The following GDPD4 variants were observed in gnomAD, a reference collection of about 807,000 sequenced individuals.
The protein encoded by GDPD4 is glycerophosphodiester phosphodiesterase domain containing 4, also known as glycerophosphodiester phosphodiesterase 6.
GDPD4 carries 60 observed loss-of-function variants against 67.8 expected under a neutral mutation model. The observed-to-expected ratio is 0.88, with a 90% CI of 0.72 to 1.10. The LOEUF is 1.10. GDPD4 is among the 50% of genes least tolerant of loss of function. The pLI is 0.00. For synonymous variants in GDPD4, 212 were observed against 210.9 expected (o/e 1.00, Z -0.04); for missense variants, 623 against 613.9 (o/e 1.01, Z -0.16).
At chr11:77,250,484 C>G (rs917364728) in intron 11 of GDPD4, among the ~76,000 whole-genome samples, 2 of 152,102 alleles carry the variant, frequency 1.3e-5, no homozygotes, top group Non-Finnish European at 2.9e-5. Context: ...GAAAGTTCCT[C>G]TCATTGATAT....
chr11:77,241,909 G>T (rs1457723246), intron 13 of GDPD4, among the ~76,000 whole-genome samples: 1 of 151,944 alleles, frequency 6.6e-6, no homozygotes, highest in African/African-American at 2.4e-5. Context: ...CTCCAGCCTG[G>T]TGACAGAGCG....
At chr11:77,234,223 C>A (rs1958508261) in intron 13 of GDPD4, among the ~76,000 whole-genome samples, 1 of 151,970 alleles carries the variant, frequency 6.6e-6, no homozygotes, top group African/African-American at 2.4e-5. Flanking sequence ...ATTAGTTATC[C>A]AATATGTTAG....
At chr11:77,270,922 G>T (rs1225889177) in intron 7 of GDPD4, 7 of 510,080 alleles carry the variant, frequency 1.4e-5, no homozygotes, top group Non-Finnish European at 2.0e-5. Context: ...AAGAAGGTCT[G>T]TTTGGCCACA....
intron 13 of GDPD4, among the ~76,000 whole-genome samples, chr11:77,233,485 G>C (rs1227992459): frequency 1.5e-5 from 2 of 131,856 alleles, no homozygotes; most frequent in East Asian, 2.1e-4. Context: ...AAAGGAAAAA[G>C]GAAAACCCTA....
chr11:77,254,642 A>G (rs1958970000), intron 11 of GDPD4, among the ~76,000 whole-genome samples: 1 of 152,108 alleles, frequency 6.6e-6, no homozygotes, highest in Non-Finnish European at 1.5e-5. Flanking sequence ...TATTTTTATC[A>G]TTTCTATAAT....
In GDPD4 at chr11:77,271,125, C is replaced by T. The variant is rs373625730; in HGVS notation, c.400+5G>A. The T allele has an allele frequency of 2.5e-6, 4 of 1,592,994 alleles. No homozygotes were observed. The highest frequency in any genetic ancestry group is 1.1e-5 in the South Asian group (1 of 90,172). The stretch of plus-strand genomic sequence containing the variant: ...ATAGGCAGGGTTCTGCCCTATGTGA[C>T]ATACCTTCTCTTTCCAAACATGCCA... On this transcript the variant is annotated splice_donor_5th_base_variant and intron_variant, in intron 7 of 16. Coordinates refer to ENST00000315938, the MANE Select transcript of GDPD4 (RefSeq NM_182833.3).
chr11:77,232,919 C>A (rs1221989552), intron 14 of GDPD4, 106 bp downstream of exon 14: 1 of 960,824 alleles, frequency 1.0e-6, no homozygotes, highest in East Asian at 2.5e-5. Flanking sequence ...GAAGTCTGTA[C>A]TCTTAAGTGG....
intron 16 of GDPD4, among the ~76,000 whole-genome samples, chr11:77,218,367 T>C (rs1184916227): frequency 6.6e-6 from 1 of 152,212 alleles, no homozygotes; most frequent in Non-Finnish European, 1.5e-5. Flanking sequence ...CTGTGAATCT[T>C]TGGGGTTATC....
intron 11 of GDPD4, among the ~76,000 whole-genome samples, chr11:77,255,091 C>T (rs915726230): frequency 6.6e-6 from 1 of 152,068 alleles, no homozygotes; most frequent in African/African-American, 2.4e-5. Flanking sequence ...CTTCAGTAGC[C>T]ATTGAAGTAG....
intron 4 of GDPD4, 46 bp downstream of exon 4, chr11:77,279,260 C>A (rs764777874): frequency 1.6e-6 from 2 of 1,236,680 alleles, no homozygotes; most frequent in Admixed American, 1.7e-5. Context: ...AACACCTCAT[C>A]AGGCTACTCA....
At chr11:77,298,103 T>A (rs1482279979) in intron 1 of GDPD4, among the ~76,000 whole-genome samples, 1 of 151,098 alleles carries the variant, frequency 6.6e-6, no homozygotes, top group East Asian at 1.9e-4. Context: ...GTTTCGTTTT[T>A]TTAAAAAAAA....
chr11:77,248,366 C>T (rs1325742440), intron 11 of GDPD4, among the ~76,000 whole-genome samples: 3 of 151,758 alleles, frequency 2.0e-5, no homozygotes, highest in Admixed American at 2.0e-4. Flanking sequence ...TGACGCCCAG[C>T]TCATTGTTGT....
rs537682574 is a variant in GDPD4 at position 77,227,544 on chromosome 11, G to GC, written c.1525+319dup. Among the ~76,000 whole-genome samples, 8 of 152,270 alleles carry GC rather than the reference G, an allele frequency of 5.3e-5. No homozygotes were observed. In the South Asian group the frequency reaches 8.3e-4, roughly 16 times the overall value. ...CAGAGACATCTTTCGGTTATCTTCA[G>GC]CCCCTCTCTAAGTGCCTTGCACAAA... On this transcript the variant is annotated intron_variant, in intron 16 of 16. Transcript: ENST00000315938.
chr11:77,295,176 T>C (rs959035258), intron 1 of GDPD4, among the ~76,000 whole-genome samples: 1 of 151,336 alleles, frequency 6.6e-6, no homozygotes, highest in African/African-American at 2.4e-5. Flanking sequence ...TTAGTAGAGA[T>C]GGGGTTTCAC....
At chr11:77,282,788 T>A (rs1793468) in intron 3 of GDPD4, among the ~76,000 whole-genome samples, 41,704 of 151,806 alleles carry the variant, frequency 0.27, 6,106 homozygotes, top group African/African-American at 0.33. Context: ...ATATTAGTGA[T>A]ATATTAGTAC....
intron 1 of GDPD4, among the ~76,000 whole-genome samples, chr11:77,291,076 T>C (rs1355894188): frequency 1.3e-5 from 2 of 152,252 alleles, no homozygotes; most frequent in East Asian, 3.8e-4. Flanking sequence ...TCCCTATGTT[T>C]ATTGCAGGAC....
At chr11:77,266,022 A>G (rs930401827) in intron 10 of GDPD4, among the ~76,000 whole-genome samples, 2 of 152,222 alleles carry the variant, frequency 1.3e-5, no homozygotes, top group Admixed American at 1.3e-4. Context: ...AATATTCCAC[A>G]GTATGGATGA....
chr11:77,225,775 A>G (rs1268267069), intron 16 of GDPD4, among the ~76,000 whole-genome samples: 1 of 152,180 alleles, frequency 6.6e-6, no homozygotes, highest in Admixed American at 6.5e-5. Context: ...GTACGTGCCC[A>G]TCCTGGAGGT....
At position 77,217,316 on chromosome 11, in the gene GDPD4, T is replaced by G. The variant is rs373234595; in HGVS notation, c.1526-2A>C. On this transcript the variant is annotated splice_acceptor_variant, in intron 16 of 16. Transcript: ENST00000315938. LOFTEE classifies it high-confidence loss of function. ...CATTCTTACTTCCACTCTGAGTATC[T>G]GTGGGATGGAAAAGACACAGATTCC... 3.4e-5 allele frequency: 55 copies of G among 1,602,434 alleles called. No homozygotes were observed. In the Middle Eastern group the frequency reaches 9.9e-4, roughly 29 times the overall value.
Sources: allele counts gnomAD v4.1 joint callset (sites outside exome capture counted in the v4.1 genomes callset), GRCh38; gene constraint gnomAD v4.1.1; transcripts MANE v1.5; gene names NCBI Gene and HGNC (gene_info 2026-07-23, HGNC 2026-07-21).